The following NRG3 variants were observed in gnomAD, a reference collection of about 807,000 sequenced individuals.
The protein encoded by NRG3 is pro-neuregulin-3, membrane-bound isoform.
NRG3 carries 31 observed loss-of-function variants against 66.9 expected under a neutral mutation model. The observed-to-expected ratio is 0.46, with a 90% CI of 0.35 to 0.63. NRG3 has a LOEUF of 0.63. Among genes scored for constraint, NRG3 ranks in the 20% least tolerant of loss-of-function variants. The pLI is 0.00. For missense variants in NRG3, 910 were observed against 878.9 expected (o/e 1.04, Z -0.45); for synonymous variants, 393 against 359.4 (o/e 1.09, Z -1.06).
chr10:82,095,311 A>T (rs1213367517), intron 1 of NRG3, among the ~76,000 whole-genome samples: 2 of 151,658 alleles, frequency 1.3e-5, no homozygotes, highest in Non-Finnish European at 2.9e-5. Flanking sequence ...AAAAAAAAAA[A>T]ATGAGAGAAG....
intron 1 of NRG3, among the ~76,000 whole-genome samples, chr10:82,300,412 T>C (rs2080328511): frequency 6.6e-6 from 1 of 152,198 alleles, no homozygotes; most frequent in African/African-American, 2.4e-5. Context: ...AATTGCAATG[T>C]AAATTATTTA....
At chr10:82,703,320 C>A (rs1459755842) in intron 2 of NRG3, among the ~76,000 whole-genome samples, 1 of 152,074 alleles carries the variant, frequency 6.6e-6, no homozygotes, top group African/African-American at 2.4e-5. Flanking sequence ...AAAGATGAAA[C>A]ATTTTGCAAT....
intron 1 of NRG3, among the ~76,000 whole-genome samples, chr10:82,248,084 C>T (rs1269688421): frequency 6.6e-6 from 1 of 152,126 alleles, no homozygotes; most frequent in East Asian, 1.9e-4. Flanking sequence ...TTTCTTATTA[C>T]TCATCCACTC....
rs144257463 is a variant in NRG3, at chr10:82,420,475, C to T, written c.953+61607C>T. Among the ~76,000 whole-genome samples the T allele has an allele frequency of 6.2e-3, 940 of 152,230 alleles. 7 individuals carry two copies. The highest frequency in any genetic ancestry group is 0.017 in the Middle Eastern group (5 of 292). On this transcript the variant is annotated intron_variant, in intron 2 of 8. Coordinates refer to ENST00000372141, the MANE Select transcript of NRG3 (RefSeq NM_001010848.4). ...GCTGGATTTATCTAATATTCCCTTTCTCATCTTCTGCTGTAAAAAAATTAT... is the reference window on the plus strand; with the variant it reads ...GCTGGATTTATCTAATATTCCCTTTTTCATCTTCTGCTGTAAAAAAATTAT...
At chr10:82,080,883 A>G (rs1034442299) in intron 1 of NRG3, among the ~76,000 whole-genome samples, 4 of 152,180 alleles carry the variant, frequency 2.6e-5, no homozygotes, top group Admixed American at 6.5e-5. Flanking sequence ...CCATTAAACA[A>G]TAAGTCCCTC....
At chr10:82,953,012 C>A (rs1401674118) in intron 5 of NRG3, among the ~76,000 whole-genome samples, 1 of 151,896 alleles carries the variant, frequency 6.6e-6, no homozygotes, top group East Asian at 1.9e-4. Context: ...ATTAATGGAA[C>A]AATATTGATA....
chr10:82,349,144 C>T (rs1203352479), intron 1 of NRG3, among the ~76,000 whole-genome samples: 2 of 151,862 alleles, frequency 1.3e-5, no homozygotes, highest in South Asian at 4.2e-4. Context: ...AGGCGCTCTG[C>T]TTTTTAGAGT....
intron 1 of NRG3, among the ~76,000 whole-genome samples, chr10:81,902,766 G>T (rs1358138133): frequency 6.6e-6 from 1 of 152,154 alleles, no homozygotes; most frequent in African/African-American, 2.4e-5. Context: ...AGGGTGCAGG[G>T]TGCATCTGTA....
At chr10:82,639,804 T>G (rs1160889867) in intron 2 of NRG3, among the ~76,000 whole-genome samples, 1 of 152,176 alleles carries the variant, frequency 6.6e-6, no homozygotes, top group Non-Finnish European at 1.5e-5. Flanking sequence ...CAGGGGTACA[T>G]ATGAAGGTTT....
intron 1 of NRG3, among the ~76,000 whole-genome samples, chr10:82,199,390 C>T (rs1472456847): frequency 2.6e-5 from 4 of 152,096 alleles, no homozygotes; most frequent in African/African-American, 9.7e-5. Flanking sequence ...GTTGGTGCAG[C>T]TCTGCTTAGT....
intron 1 of NRG3, among the ~76,000 whole-genome samples, chr10:82,326,032 C>T (rs1429179925): frequency 6.6e-6 from 1 of 152,102 alleles, no homozygotes; most frequent in Non-Finnish European, 1.5e-5. Flanking sequence ...TAATTTTCTT[C>T]TGACTGAAGG....
rs183187522 is a variant in NRG3 at position 82,875,766 on chromosome 10, T to C, written c.1054+10329T>C. 3.9e-5 allele frequency among the ~76,000 whole-genome samples: 6 copies of C among 152,352 alleles called. No homozygotes were observed. In the East Asian group the frequency reaches 9.6e-4, roughly 24 times the overall value. On this transcript the variant is annotated intron_variant, in intron 4 of 8. Transcript: ENST00000372141. ...CAAGTATTTTGTTTTAACAAAGTTATCTTTATTTGACATGGACATTCCAAA... is the reference window on the plus strand; with the variant it reads ...CAAGTATTTTGTTTTAACAAAGTTACCTTTATTTGACATGGACATTCCAAA...
chr10:82,185,238 T>TCATCCTAGC (rs2073726599), intron 1 of NRG3, among the ~76,000 whole-genome samples: 2 of 152,154 alleles, frequency 1.3e-5, no homozygotes, highest in Admixed American at 6.6e-5. Flanking sequence ...ACTGAGCATT[T>TCATCCTAGC]ACTACATGTA....
chr10:82,136,997 A>G (rs1310215548), intron 1 of NRG3, among the ~76,000 whole-genome samples: 2 of 152,206 alleles, frequency 1.3e-5, no homozygotes, highest in Non-Finnish European at 2.9e-5. Flanking sequence ...TCTTTCATTA[A>G]TATGATGTCA....
At chr10:82,144,556 G>A (rs1330547535) in intron 1 of NRG3, among the ~76,000 whole-genome samples, 1 of 152,174 alleles carries the variant, frequency 6.6e-6, no homozygotes, top group Admixed American at 6.6e-5. Context: ...AGTCTCATGG[G>A]CTAAAGACTA....
intron 1 of NRG3, 147 bp from the exon 2 acceptor site, chr10:82,358,592 C>G: frequency 9.8e-7 from 1 of 1,022,788 alleles, no homozygotes. Context: ...TTGGTCAGTA[C>G]CAAGGAGGGT....
At chr10:82,033,721 A>C (rs1398614213) in intron 1 of NRG3, among the ~76,000 whole-genome samples, 1 of 152,122 alleles carries the variant, frequency 6.6e-6, no homozygotes, top group African/African-American at 2.4e-5. Flanking sequence ...TGCAGGATGC[A>C]TCAGGGATTT....
At chr10:82,345,257 G>A in intron 1 of NRG3, among the ~76,000 whole-genome samples, 1 of 136,146 alleles carries the variant, frequency 7.3e-6, no homozygotes, top group Non-Finnish European at 1.5e-5. Context: ...GTAAGGAAGG[G>A]ATCCAGTTTC....
chr10:82,440,889 G>A (rs1203653117), intron 2 of NRG3, among the ~76,000 whole-genome samples: 2 of 152,156 alleles, frequency 1.3e-5, no homozygotes, highest in Non-Finnish European at 2.9e-5. Context: ...CCAAATGGCA[G>A]TTTTATTGTT....
Sources: allele counts gnomAD v4.1 joint callset (sites outside exome capture counted in the v4.1 genomes callset), GRCh38; gene constraint gnomAD v4.1.1; transcripts MANE v1.5; gene names NCBI Gene and HGNC (gene_info 2026-07-23, HGNC 2026-07-21).